Variants in RASGRF1 observed in about 807,000 individuals in gnomAD.
The protein encoded by RASGRF1 is ras-specific guanine nucleotide-releasing factor 1.
In RASGRF1, 40 loss-of-function variants were observed where a neutral mutation model predicts 138.7. The ratio of observed to expected loss-of-function variants is 0.29; its 90% CI spans 0.22 to 0.38. The LOEUF is 0.38. Among genes scored for constraint, RASGRF1 ranks in the 10% least tolerant of loss-of-function variants. RASGRF1 has a pLI of 1.00. For synonymous variants in RASGRF1, 614 were observed against 663.2 expected, an observed-to-expected ratio of 0.93 and a Z score of 1.14; for missense variants, 1,108 against 1,650.4, an observed-to-expected ratio of 0.67 and a Z score of 5.69.
chr15:79,014,732 A>G (rs1353897362), intron 13 of RASGRF1, among the ~76,000 whole-genome samples: 1 of 152,160 alleles, frequency 6.6e-6, no homozygotes, highest in African/African-American at 2.4e-5. Context: ...ACTGGCTAAC[A>G]TGGTGAAACC....
chr15:79,075,433 A>G (rs2057819942), intron 1 of RASGRF1, among the ~76,000 whole-genome samples: 1 of 151,924 alleles, frequency 6.6e-6, no homozygotes, highest in Non-Finnish European at 1.5e-5. Context: ...TGGCCCCAGT[A>G]TGCCTCTCCT....
At chr15:79,011,790 T>C (rs12101818) in intron 13 of RASGRF1, among the ~76,000 whole-genome samples, 42,120 of 152,156 alleles carry the variant, frequency 0.28, 6,179 homozygotes, top group Middle Eastern at 0.33. Flanking sequence ...TCCTCCCATC[T>C]GCACACACAC....
chr15:79,011,330 A>C (rs2056791348), intron 13 of RASGRF1, among the ~76,000 whole-genome samples: 1 of 152,210 alleles, frequency 6.6e-6, no homozygotes, highest in Non-Finnish European at 1.5e-5. Flanking sequence ...AGGAAGACAG[A>C]TGAAGCTAAG....
chr15:78,991,658 CG>C, intron 21 of RASGRF1, 32 bp downstream of exon 21: 1 of 1,550,540 alleles, frequency 6.4e-7, no homozygotes, highest in African/African-American at 1.4e-5. Context: ...CCTGAGGAAG[CG>C]GGGGGAGGCG....
intron 12 of RASGRF1, among the ~76,000 whole-genome samples, chr15:79,017,152 G>A (rs1290077044): frequency 6.6e-6 from 1 of 152,230 alleles, no homozygotes. Flanking sequence ...TTCTGGGTCT[G>A]CTCACTGGTG....
chr15:79,027,869 T>G lies in RASGRF1; in HGVS notation c.1263-10A>C. The stretch of plus-strand genomic sequence containing the variant: ...TTCATCGTGCATTATTCTGTGGGGA[T>G]GGGAAACTGCACAGTCAGAGACAGG... On this transcript the variant is annotated splice_polypyrimidine_tract_variant and intron_variant, in intron 8 of 26. Coordinates refer to ENST00000558480, the MANE Select transcript of RASGRF1 (RefSeq NM_001145648.3). The surrounding 1 kb of genome is among the most constrained non-coding windows in gnomAD (Gnocchi z 4.8). 3 of 1,613,834 alleles carry G rather than the reference T, an allele frequency of 1.9e-6. No individual in the cohort carries two copies. Among genetic ancestry groups the G allele is most frequent in the Non-Finnish European group, 2.5e-6 (3 of 1,179,714 alleles).
chr15:79,015,257 C>A (rs1201943107), intron 13 of RASGRF1, 70 bp downstream of exon 13: 4 of 1,480,758 alleles, frequency 2.7e-6, no homozygotes, highest in South Asian at 1.1e-5. Flanking sequence ...ATCCCAGTGT[C>A]CTGGCTGTCA....
chr15:79,021,422 C>T (rs921683581), intron 10 of RASGRF1, among the ~76,000 whole-genome samples: 4 of 152,204 alleles, frequency 2.6e-5, no homozygotes, highest in African/African-American at 9.6e-5. Context: ...GGGTTAGCCC[C>T]CAGGACTAAC....
At chr15:79,003,399 G>T (rs1049893662) in intron 15 of RASGRF1, among the ~76,000 whole-genome samples, 1 of 152,210 alleles carries the variant, frequency 6.6e-6, no homozygotes, top group Admixed American at 6.5e-5. Context: ...GAATCCCAGG[G>T]GGCAGGAGCT....
At chr15:79,008,816 G>C (rs533587461) in intron 13 of RASGRF1, among the ~76,000 whole-genome samples, 1 of 152,276 alleles carries the variant, frequency 6.6e-6, no homozygotes, top group African/African-American at 2.4e-5. Flanking sequence ...TCTGCTTGCT[G>C]GCATGACTCC....
At chr15:79,059,144 TTTCCCTTCCCTATCCTTCCC>T (rs1341056272) in intron 2 of RASGRF1, among the ~76,000 whole-genome samples, 13 of 150,522 alleles carry the variant, frequency 8.6e-5, no homozygotes, top group Non-Finnish European at 1.3e-4. Flanking sequence ...CCTCCTTTCT[TTTCCCTTCCCTATCCTTCCC>T]TTCCCTTCCC....
At position 79,015,371 on chromosome 15, in the gene RASGRF1, G is replaced by C. The variant is rs117903160; in HGVS notation, c.1782C>G (p.Asn594Lys). Reference sequence around the variant, plus strand: ...TGACCTTGGAATTTTCTTCAAATGCGTTCATCATGAGCCCATTGCATCGGA... The same window carrying C: ...TGACCTTGGAATTTTCTTCAAATGCCTTCATCATGAGCCCATTGCATCGGA... ...DNIRCNGLMMNAFEENSKVTV... is the reference protein window; with the variant it reads ...DNIRCNGLMMKAFEENSKVTV... The change falls in exon 13 of 27, where the codon AAC becomes AAG. Residue 594 changes from asparagine (N) to lysine (K), a missense_variant. By Grantham distance (94) the Asn-to-Lys change is moderately conservative (BLOSUM62 0). Coordinates refer to ENST00000558480, the MANE Select transcript of RASGRF1 (RefSeq NM_001145648.3). The C allele has an allele frequency of 6.2e-7, 1 of 1,613,918 alleles. No individual in the cohort carries two copies. The highest frequency in any genetic ancestry group is 8.5e-7 in the Non-Finnish European group (1 of 1,179,904).
chr15:78,970,200 C>T (rs2055723874), intron 26 of RASGRF1, among the ~76,000 whole-genome samples: 1 of 152,044 alleles, frequency 6.6e-6, no homozygotes, highest in Admixed American at 6.6e-5. Context: ...GGTTAAGATG[C>T]TGTATCTCTG....
intron 10 of RASGRF1, among the ~76,000 whole-genome samples, chr15:79,024,561 G>C (rs903964942): frequency 5.9e-5 from 9 of 152,214 alleles, no homozygotes; most frequent in African/African-American, 2.2e-4. Flanking sequence ...GAGGGACCCA[G>C]TGGGAGGTAA....
intron 1 of RASGRF1, among the ~76,000 whole-genome samples, chr15:79,067,314 CTG>C (rs985103155): frequency 6.6e-6 from 1 of 152,176 alleles, no homozygotes; most frequent in African/African-American, 2.4e-5. Context: ...GAAGGGGAAA[CTG>C]GAGGATCTAC....
At chr15:78,962,377 A>C in intron 26 of RASGRF1, 141 bp from the exon 27 acceptor site, 1 of 607,448 alleles carries the variant, frequency 1.6e-6, no homozygotes, top group Non-Finnish European at 2.9e-6. Flanking sequence ...TGCATTCAGT[A>C]GTGTTCCATC....
intron 13 of RASGRF1, among the ~76,000 whole-genome samples, chr15:79,008,390 G>C (rs11635204): frequency 0.55 from 82,900 of 152,062 alleles, 24,010 homozygotes; most frequent in Non-Finnish European, 0.67. Context: ...CAAAAAGAGA[G>C]CATTCCAAAG....
intron 1 of RASGRF1, among the ~76,000 whole-genome samples, chr15:79,075,484 A>T (rs1383423449): frequency 6.6e-6 from 1 of 152,158 alleles, no homozygotes; most frequent in East Asian, 1.9e-4. Flanking sequence ...ACCCCAGGTC[A>T]GTCTGGAGCT....
At chr15:78,990,313 G>A in intron 21 of RASGRF1, 40 bp from the exon 22 acceptor site, 1 of 1,385,182 alleles carries the variant, frequency 7.2e-7, no homozygotes, top group South Asian at 1.2e-5. Context: ...AGGGGGTGAG[G>A]TTTGCCTTGC....
Sources: gnomAD v4.1 joint callset for allele counts (sites outside exome capture counted in the v4.1 genomes callset) on GRCh38, gnomAD v4.1.1 for gene constraint, Gnocchi (gnomAD v3.1) non-coding constraint, MANE v1.5 for transcripts, NCBI Gene and HGNC (gene_info 2026-07-23, HGNC 2026-07-21) for gene names.